SDK1: variants seen among roughly 807,000 people sequenced by gnomAD.
SDK1 encodes protein sidekick-1.
In SDK1, 157 loss-of-function variants were observed where a neutral mutation model predicts 245.5. The ratio of observed to expected loss-of-function variants is 0.64; its 90% CI spans 0.56 to 0.73. The LOEUF (loss-of-function observed/expected upper bound fraction) is 0.73, where lower values mean the gene tolerates loss of function less well. SDK1 is among the 30% of genes least tolerant of loss of function. The probability of loss-of-function intolerance (pLI) is 0.00; values close to 1 mark genes in which losing one functional copy is unlikely to be tolerated. For missense variants in SDK1, 3,583 were observed against 3,002.3 expected (o/e 1.19, Z -4.52); for synonymous variants, 1,647 against 1,278.5 (o/e 1.29, Z -6.15).
chr7:3,363,097 ATC>A (rs1466783249), intron 1 of SDK1, among the ~76,000 whole-genome samples: 2 of 152,152 alleles, frequency 1.3e-5, no homozygotes, highest in Non-Finnish European at 2.9e-5. Flanking sequence ...CACCACAAGG[ATC>A]TCTCATGTTG....
intron 4 of SDK1, among the ~76,000 whole-genome samples, chr7:3,793,583 T>A (rs140991170): frequency 2.6e-5 from 4 of 152,220 alleles, no homozygotes; most frequent in South Asian, 4.1e-4. Flanking sequence ...CCTTCTTGTG[T>A]CGATTCTATA....
At chr7:3,995,831 T>C (rs987507282) in intron 14 of SDK1, among the ~76,000 whole-genome samples, 2 of 149,754 alleles carry the variant, frequency 1.3e-5, no homozygotes, top group Non-Finnish European at 3.0e-5. Flanking sequence ...TTTTTTTTTT[T>C]CTGTCATTTG....
intron 25 of SDK1, among the ~76,000 whole-genome samples, chr7:4,115,513 C>T (rs1342184888): frequency 6.6e-6 from 1 of 152,226 alleles, no homozygotes; most frequent in South Asian, 2.1e-4. Context: ...TTCTCTGACT[C>T]TCTGCGTTAA....
At chr7:3,788,320 G>T (rs1427751609) in intron 4 of SDK1, among the ~76,000 whole-genome samples, 4 of 152,170 alleles carry the variant, frequency 2.6e-5, no homozygotes, top group African/African-American at 4.8e-5. Flanking sequence ...CCATAACAGG[G>T]TGTGCGGTCA....
intron 1 of SDK1, among the ~76,000 whole-genome samples, chr7:3,585,756 G>A (rs960105715): frequency 1.3e-5 from 2 of 152,184 alleles, no homozygotes; most frequent in Non-Finnish European, 2.9e-5. Flanking sequence ...CACAGCATAA[G>A]AGATGAAACG....
At chr7:3,729,023 T>C (rs1159939128) in intron 4 of SDK1, among the ~76,000 whole-genome samples, 1 of 152,228 alleles carries the variant, frequency 6.6e-6, no homozygotes. Flanking sequence ...TCTCCTGACC[T>C]TAGCCTTTGC....
rs183663155 is a variant in SDK1 at position 3,840,997 on chromosome 7, C to G, written c.847+19414C>G. ...GGGAGTGGCTGGGGATGTGTTATTA[C>G]CAAGAGGCCCCACTTCATGAGAGAG... On this transcript the variant is annotated intron_variant, in intron 5 of 44. Transcript: ENST00000404826. Among the ~76,000 whole-genome samples the G allele has an allele frequency of 1.3e-3, 197 of 152,274 alleles. 1 individual carries two copies. The highest frequency in any genetic ancestry group is 4.6e-3 in the African/African-American group (192 of 41,562).
At chr7:3,303,121 G>A (rs1476467561) in intron 1 of SDK1, among the ~76,000 whole-genome samples, 6 of 151,946 alleles carry the variant, frequency 3.9e-5, no homozygotes, top group Admixed American at 2.0e-4. Context: ...AAAACAAATT[G>A]CCATATTTCT....
intron 4 of SDK1, among the ~76,000 whole-genome samples, chr7:3,685,613 A>G (rs954671860): frequency 6.6e-6 from 1 of 152,208 alleles, no homozygotes; most frequent in Non-Finnish European, 1.5e-5. Context: ...TTGTAACTTT[A>G]TGTGCTACTC....
Position 4,221,253 on chromosome 7 carries a change from C to T in SDK1, c.5716C>T (p.Pro1906Ser). ...TTATCCCGCAGGATCCCCGGGCTCG[C>T]CTAGAGATGTCCTGGTCACCAAGTC... Reference protein sequence around the residue: ...AGPAEGSPGSPRDVLVTKSAS... With the variant: ...AGPAEGSPGSSRDVLVTKSAS... Residue 1906 changes from proline (P) to serine (S), a missense_variant, in exon 40 of 45, where the codon CCT becomes TCT. Pro to Ser is a moderately conservative substitution (Grantham distance 74, BLOSUM62 -1). Transcript: ENST00000404826. 1 of 1,613,716 alleles carries T rather than the reference C, an allele frequency of 6.2e-7. No individual in the cohort carries two copies. The highest frequency in any genetic ancestry group is 8.5e-7 in the Non-Finnish European group (1 of 1,180,006).
At chr7:3,748,714 C>A (rs1275428990) in intron 4 of SDK1, among the ~76,000 whole-genome samples, 1 of 152,156 alleles carries the variant, frequency 6.6e-6, no homozygotes. Context: ...AATCACAGGG[C>A]AAATTAAATC....
At chr7:3,509,627 C>G (rs532327069) in intron 1 of SDK1, among the ~76,000 whole-genome samples, 3 of 152,270 alleles carry the variant, frequency 2.0e-5, no homozygotes, top group African/African-American at 7.2e-5. Flanking sequence ...GCTGGTCTGT[C>G]TGTCTCTGGG....
intron 4 of SDK1, among the ~76,000 whole-genome samples, chr7:3,713,749 A>G (rs1219519681): frequency 6.6e-6 from 1 of 152,236 alleles, no homozygotes; most frequent in Non-Finnish European, 1.5e-5. Context: ...TCAAAAGGAA[A>G]ACCATTCAAC....
chr7:3,920,515 C>G (rs1174242880), intron 5 of SDK1, among the ~76,000 whole-genome samples: 2 of 151,972 alleles, frequency 1.3e-5, no homozygotes, highest in African/African-American at 4.8e-5. Context: ...TGAGGGTGAT[C>G]TTTTCAGAGC....
chr7:3,995,578 A>C (rs184869677), intron 14 of SDK1, among the ~76,000 whole-genome samples: 184 of 152,314 alleles, frequency 1.2e-3, no homozygotes, highest in African/African-American at 4.1e-3. Flanking sequence ...CACTAATGCA[A>C]CTATCTAGAA....
At chr7:3,437,736 C>T (rs531567956) in intron 1 of SDK1, among the ~76,000 whole-genome samples, 20 of 152,214 alleles carry the variant, frequency 1.3e-4, no homozygotes, top group Admixed American at 2.0e-4. Context: ...GTGACAGAGT[C>T]GGATCCTGTC....
chr7:3,966,806 C>T (rs956281924), intron 9 of SDK1, among the ~76,000 whole-genome samples: 4 of 152,112 alleles, frequency 2.6e-5, no homozygotes, highest in Admixed American at 6.5e-5. Context: ...CTGCCTCCAC[C>T]TCCCAAGTAC....
intron 1 of SDK1, among the ~76,000 whole-genome samples, chr7:3,565,014 C>T (rs151112924): frequency 5.0e-4 from 76 of 151,746 alleles, no homozygotes; most frequent in African/African-American, 1.7e-3. Context: ...AAGTTGTAAG[C>T]GTTGGAGAAG....
At chr7:3,918,418 T>G (rs545482446) in intron 5 of SDK1, among the ~76,000 whole-genome samples, 161 of 152,294 alleles carry the variant, frequency 1.1e-3, no homozygotes, top group African/African-American at 3.5e-3. Flanking sequence ...TATTGTGAGC[T>G]GTGCCCGCGA....
Sources: gnomAD v4.1 joint callset for allele counts (sites outside exome capture counted in the v4.1 genomes callset) on GRCh38, gnomAD v4.1.1 for gene constraint, MANE v1.5 for transcripts, NCBI Gene and HGNC (gene_info 2026-07-23, HGNC 2026-07-21) for gene names.